Variants in LHFPL5 observed in about 807,000 individuals in gnomAD.
LHFPL5 encodes LHFPL tetraspan subfamily member 5 protein.
LHFPL5 carries 12 observed loss-of-function variants against 18.7 expected under a neutral mutation model. That is an observed-to-expected ratio of 0.64 (90% CI 0.41 to 1.04). The LOEUF (loss-of-function observed/expected upper bound fraction) is 1.04, where lower values mean the gene tolerates loss of function less well. Ranked by LOEUF, LHFPL5 falls within the 50% of genes least tolerant of loss-of-function variation. The probability of loss-of-function intolerance (pLI) is 0.00; values close to 1 mark genes in which losing one functional copy is unlikely to be tolerated. For missense variants in LHFPL5, 259 were observed against 292.1 expected (o/e 0.89, Z 0.83); for synonymous variants, 111 against 120.2 (o/e 0.92, Z 0.50).
chr6:35,819,530 T>C, intron 3 of LHFPL5, 67 bp downstream of exon 3: 2 of 1,450,664 alleles, frequency 1.4e-6, no homozygotes, highest in Non-Finnish European at 1.9e-6. Flanking sequence ...GCTTCCTTAC[T>C]GAATCCTCAG....
At chr6:35,818,874 C>A (rs995310948) in intron 2 of LHFPL5, among the ~76,000 whole-genome samples, 1 of 151,940 alleles carries the variant, frequency 6.6e-6, no homozygotes, top group African/African-American at 2.4e-5. Flanking sequence ...CGTCATCACC[C>A]GGGCTGGAGT....
chr6:35,820,926 A>G (rs1325289266), intron 3 of LHFPL5, among the ~76,000 whole-genome samples: 1 of 152,104 alleles, frequency 6.6e-6, no homozygotes, highest in African/African-American at 2.4e-5. Context: ...AATCATACAT[A>G]AAATTGTCAC....
chr6:35,813,502 C>T (rs1177216280), intron 1 of LHFPL5, among the ~76,000 whole-genome samples: 1 of 152,046 alleles, frequency 6.6e-6, no homozygotes, highest in Non-Finnish European at 1.5e-5. Flanking sequence ...CTCGACCTCC[C>T]AAAGTCCTGG....
intron 1 of LHFPL5, among the ~76,000 whole-genome samples, chr6:35,813,792 CTTTTTTTTTTTTTT>C (rs1012092184): frequency 8.2e-6 from 1 of 121,538 alleles, no homozygotes; most frequent in Non-Finnish European, 1.7e-5. Flanking sequence ...TTTCCTTTTC[CTTTTTTTTTTTTTT>C]TTTTTTTGAG....
intron 1 of LHFPL5, among the ~76,000 whole-genome samples, chr6:35,813,239 A>ATTTTT (rs35884324): frequency 1.6e-4 from 9 of 56,316 alleles, no homozygotes; most frequent in Admixed American, 2.9e-4. Context: ...AGGAACTAGC[A>ATTTTT]TTTTTTTTTT....
intron 2 of LHFPL5, among the ~76,000 whole-genome samples, chr6:35,815,215 C>T (rs1228456297): frequency 2.6e-5 from 4 of 152,050 alleles, no homozygotes; most frequent in African/African-American, 9.7e-5. Context: ...AGTGACAGCT[C>T]CTGCAGTGCA....
intron 3 of LHFPL5, among the ~76,000 whole-genome samples, chr6:35,822,340 A>C (rs1768881679): frequency 6.6e-6 from 1 of 152,010 alleles, no homozygotes; most frequent in Non-Finnish European, 1.5e-5. Context: ...TTTTTTCCTC[A>C]CACTACATTT....
At position 35,813,951 on chromosome 6, in the gene LHFPL5, C is replaced by A. The variant is rs185375463; in HGVS notation, c.413-595C>A. ...AGCTGGGATCACAGGCATGTACCAC[C>A]ACTCCCTGCTAATTTTGTATTTTTA... On this transcript the variant is annotated intron_variant, in intron 1 of 3. Transcript: ENST00000360215. Among the ~76,000 whole-genome samples the A allele has an allele frequency of 1.5e-3, 225 of 152,208 alleles. 1 individual carries two copies. The highest frequency in any genetic ancestry group is 5.2e-3 in the African/African-American group (218 of 41,532).
chr6:35,812,782 C>T (rs747426538), intron 1 of LHFPL5, among the ~76,000 whole-genome samples: 32 of 152,158 alleles, frequency 2.1e-4, no homozygotes, highest in African/African-American at 7.0e-4. Context: ...TGGCTGGGCA[C>T]GGTGGCTCAC....
At chr6:35,813,239 A>ATTTTTTTTT (rs35884324) in intron 1 of LHFPL5, among the ~76,000 whole-genome samples, 3 of 56,322 alleles carry the variant, frequency 5.3e-5, no homozygotes, top group African/African-American at 1.3e-4. Context: ...AGGAACTAGC[A>ATTTTTTTTT]TTTTTTTTTT....
intron 1 of LHFPL5, chr6:35,811,218 C>T (rs1325302969): frequency 1.3e-5 from 2 of 152,202 alleles, no homozygotes; most frequent in Non-Finnish European, 2.9e-5. Flanking sequence ...TTGCCTTGCA[C>T]CTGGAATATT....
At chr6:35,812,026 T>C (rs771288685) in intron 1 of LHFPL5, among the ~76,000 whole-genome samples, 2 of 152,192 alleles carry the variant, frequency 1.3e-5, no homozygotes, top group Non-Finnish European at 2.9e-5. Context: ...GGTAAGTCAC[T>C]TGGTTTCTTT....
chr6:35,816,922 G>T lies in LHFPL5; in HGVS notation c.649+2140G>T, dbSNP rs572552696. On this transcript the variant is annotated intron_variant, in intron 2 of 3. Coordinates refer to ENST00000360215, the MANE Select transcript of LHFPL5 (RefSeq NM_182548.4). ...GAAAGAATAGTCTTTCCAACAAATAGTGCTAGAACAATCAGATCTCTGTAT... is the reference window on the plus strand; with the variant it reads ...GAAAGAATAGTCTTTCCAACAAATATTGCTAGAACAATCAGATCTCTGTAT... 7.2e-5 allele frequency among the ~76,000 whole-genome samples: 11 copies of T among 151,920 alleles called. No homozygotes were observed. The East Asian group carries it at 2.1e-3, about 29-fold the overall frequency.
intron 2 of LHFPL5, among the ~76,000 whole-genome samples, chr6:35,818,068 G>T (rs1355796277): frequency 1.3e-5 from 2 of 152,106 alleles, no homozygotes; most frequent in African/African-American, 4.8e-5. Context: ...CCATGTGGAT[G>T]AACCTTGAAA....
intron 2 of LHFPL5, among the ~76,000 whole-genome samples, chr6:35,818,339 A>ATTTTTTTT (rs1768800371): frequency 3.6e-5 from 1 of 27,864 alleles, no homozygotes. Context: ...ATATATATAT[A>ATTTTTTTT]TATATATATG....
intron 3 of LHFPL5, among the ~76,000 whole-genome samples, chr6:35,822,097 C>T (rs903468960): frequency 2.6e-5 from 4 of 151,676 alleles, no homozygotes; most frequent in African/African-American, 7.3e-5. Flanking sequence ...TCATGTTGTC[C>T]AGGATGTTCT....
intron 1 of LHFPL5, among the ~76,000 whole-genome samples, chr6:35,813,663 C>T (rs1309100571): frequency 6.6e-6 from 1 of 152,080 alleles, no homozygotes; most frequent in Non-Finnish European, 1.5e-5. Context: ...CAGGGACAGT[C>T]TGGAAAGCCT....
rs1768922237 is a variant in LHFPL5 at position 35,823,742 on chromosome 6, C to T, written c.*777C>T. 1 of 152,038 alleles carries T rather than the reference C, an allele frequency of 6.6e-6. No homozygotes were observed. The highest frequency in any genetic ancestry group is 1.5e-5 in the Non-Finnish European group (1 of 68,022). 9.4% of individuals were successfully genotyped at this position (152,038 alleles called of 1,614,324 possible). Reference sequence around the variant, plus strand: ...AAAATCTCTGCAGACTTTTTTCCTCCCGGGAGCCAAATATCACATTTCCTT... The same window carrying T: ...AAAATCTCTGCAGACTTTTTTCCTCTCGGGAGCCAAATATCACATTTCCTT... On this transcript the variant is annotated 3_prime_UTR_variant, in exon 4 of 4. Coordinates refer to ENST00000360215, the MANE Select transcript of LHFPL5 (RefSeq NM_182548.4).
chr6:35,817,390 CAA>C (rs957055322), intron 2 of LHFPL5, among the ~76,000 whole-genome samples: 4 of 150,954 alleles, frequency 2.6e-5, no homozygotes, highest in Admixed American at 6.6e-5. Context: ...TTTTTTGTTT[CAA>C]AAGACACCAT....
Sources: allele counts gnomAD v4.1 joint callset (sites outside exome capture counted in the v4.1 genomes callset), GRCh38; gene constraint gnomAD v4.1.1; transcripts MANE v1.5; gene names NCBI Gene and HGNC (gene_info 2026-07-23, HGNC 2026-07-21).